Variants in RAI14 observed in about 807,000 individuals in gnomAD.
The protein encoded by RAI14 is retinoic acid induced 14.
In RAI14, 45 loss-of-function variants were observed where a neutral mutation model predicts 115.4. The ratio of observed to expected loss-of-function variants is 0.39; its 90% CI spans 0.31 to 0.50. The LOEUF is 0.50. Among genes scored for constraint, RAI14 ranks in the 20% least tolerant of loss-of-function variants. RAI14 has a pLI of 0.85. For missense variants in RAI14, 939 were observed against 1,131.2 expected (o/e 0.83, Z 2.44); for synonymous variants, 371 against 415.4 (o/e 0.89, Z 1.30).
chr5:34,666,878 T>C (rs1426477678), intron 1 of RAI14, among the ~76,000 whole-genome samples: 22 of 152,202 alleles, frequency 1.4e-4, no homozygotes, highest in Admixed American at 1.4e-3. Context: ...TATTAGAAGA[T>C]CTCTGGATGA....
chr5:34,687,550 A>G, intron 2 of RAI14: 1 of 1,424,874 alleles, frequency 7.0e-7, no homozygotes. Context: ...AGTCTCCCCC[A>G]GGAGAAGAGG....
chr5:34,819,802 T>G (rs189093160), intron 13 of RAI14, among the ~76,000 whole-genome samples: 3 of 152,162 alleles, frequency 2.0e-5, no homozygotes, highest in Non-Finnish European at 4.4e-5. Flanking sequence ...GGGGTCTTAC[T>G]GTATTGCCCA....
At chr5:34,719,943 A>C (rs1742459100) in intron 2 of RAI14, among the ~76,000 whole-genome samples, 1 of 152,140 alleles carries the variant, frequency 6.6e-6, no homozygotes, top group Non-Finnish European at 1.5e-5. Flanking sequence ...CCTGTACCCC[A>C]CTTTGTCTCC....
chr5:34,721,627 G>A (rs2149996786), intron 2 of RAI14, among the ~76,000 whole-genome samples: 1 of 152,180 alleles, frequency 6.6e-6, no homozygotes, highest in Admixed American at 6.5e-5. Context: ...TGCCTTTATG[G>A]CTTGGACTTA....
At chr5:34,818,479 C>A (rs554102436) in intron 12 of RAI14, among the ~76,000 whole-genome samples, 1 of 152,268 alleles carries the variant, frequency 6.6e-6, no homozygotes, top group South Asian at 2.1e-4. Flanking sequence ...ACATAACTCA[C>A]TAAATTAGCA....
intron 3 of RAI14, among the ~76,000 whole-genome samples, chr5:34,794,674 G>A (rs1327304494): frequency 6.6e-6 from 1 of 152,132 alleles, no homozygotes; most frequent in Non-Finnish European, 1.5e-5. Context: ...GGAAATTTAG[G>A]CACAGAGAGG....
At chr5:34,711,075 A>G (rs1449539532) in intron 2 of RAI14, among the ~76,000 whole-genome samples, 1 of 152,182 alleles carries the variant, frequency 6.6e-6, no homozygotes, top group African/African-American at 2.4e-5. Context: ...CTAATGCCCA[A>G]GGTGACTGGT....
At chr5:34,687,323 C>T (rs941829293) in intron 2 of RAI14, among the ~76,000 whole-genome samples, 6 of 151,998 alleles carry the variant, frequency 3.9e-5, no homozygotes, top group African/African-American at 1.2e-4. Context: ...CTCTCTCATG[C>T]GGGTGGTTTA....
intron 1 of RAI14, among the ~76,000 whole-genome samples, chr5:34,673,376 C>T (rs1387123196): frequency 6.6e-6 from 1 of 152,166 alleles, no homozygotes; most frequent in African/African-American, 2.4e-5. Context: ...GATAAACATG[C>T]CCTCCTTAAC....
In RAI14 at chr5:34,823,851, A is replaced by T. The variant is rs754379947; in HGVS notation, c.2009A>T (p.Asp670Val). The T allele has an allele frequency of 1.9e-6, 3 of 1,614,080 alleles. No individual in the cohort carries two copies. Among genetic ancestry groups the T allele is most frequent in the Non-Finnish European group, 2.5e-6 (3 of 1,180,038 alleles). Residue 670 changes from aspartate (D) to valine (V), a missense_variant, in exon 15 of 18, where the codon GAT becomes GTT. Transcript: ENST00000265109. This position sits in a 1 kb window ranked among gnomAD's most constrained non-coding sequence, Gnocchi z 4.5. ...TACAGGAAGAGGAAATCTCTAGAGG[A>T]TGTCACAGCTGAATATATCCATAAA... ...EDYRKRKSLE[D>V]VTAEYIHKAE...
chr5:34,722,934 T>TA (rs200328787), intron 2 of RAI14, among the ~76,000 whole-genome samples: 1,841 of 150,868 alleles, frequency 0.012, 24 homozygotes, highest in African/African-American at 0.031. Context: ...ATAAATAAAT[T>TA]AAAAAAAATA....
chr5:34,666,715 G>C (rs890032611), intron 1 of RAI14, among the ~76,000 whole-genome samples: 15 of 152,198 alleles, frequency 9.9e-5, no homozygotes, highest in African/African-American at 3.6e-4. Context: ...TGCCTGACCT[G>C]ACAGAAGCTC....
chr5:34,830,788 T>A lies in RAI14; in HGVS notation c.*23T>A, dbSNP rs533244586. 3 of 1,613,674 alleles carry A rather than the reference T, an allele frequency of 1.9e-6. No individual in the cohort carries two copies. Among genetic ancestry groups the A allele is most frequent in the Non-Finnish European group, 2.5e-6 (3 of 1,179,708 alleles). On this transcript the variant is annotated 3_prime_UTR_variant, in exon 18 of 18. Transcript: ENST00000265109. ...TAAAGTGGATTCCTTGGCAGGACAC[T>A]GCCCCTTGTCATCTGTCTTTGTGTT... is the stretch of plus-strand genomic sequence containing the variant.
At chr5:34,797,303 G>T (rs1753652831) in intron 4 of RAI14, among the ~76,000 whole-genome samples, 1 of 152,052 alleles carries the variant, frequency 6.6e-6, no homozygotes, top group African/African-American at 2.4e-5. Flanking sequence ...TAGTCATCTT[G>T]AGGGATCAGC....
intron 2 of RAI14, among the ~76,000 whole-genome samples, chr5:34,689,266 A>G (rs944118235): frequency 6.6e-6 from 1 of 152,164 alleles, no homozygotes; most frequent in African/African-American, 2.4e-5. Flanking sequence ...TTAGCCGCCT[A>G]TGGTGGGGCA....
At chr5:34,830,589 C>T in intron 17 of RAI14, 99 bp from the exon 18 acceptor site, 1 of 1,565,888 alleles carries the variant, frequency 6.4e-7, no homozygotes, top group Non-Finnish European at 8.7e-7. Flanking sequence ...TGGGAATTAG[C>T]CCAGGTCTTC....
intron 12 of RAI14, among the ~76,000 whole-genome samples, chr5:34,817,074 G>A (rs569217705): frequency 4.9e-4 from 75 of 151,936 alleles, no homozygotes; most frequent in African/African-American, 1.8e-3. Flanking sequence ...TCAGGAGATC[G>A]AGACCGTCCT....
intron 3 of RAI14, among the ~76,000 whole-genome samples, chr5:34,787,528 C>A (rs998664406): frequency 1.3e-5 from 2 of 152,118 alleles, no homozygotes; most frequent in Non-Finnish European, 1.5e-5. Context: ...AAGGAAATGT[C>A]CAGAATAGGC....
At chr5:34,778,717 C>T (rs931988456) in intron 3 of RAI14, among the ~76,000 whole-genome samples, 6 of 147,728 alleles carry the variant, frequency 4.1e-5, no homozygotes, top group Middle Eastern at 3.3e-3. Flanking sequence ...GGCTGGGCAA[C>T]ACAGTGAGAC....
Sources: gnomAD v4.1 joint callset for allele counts (sites outside exome capture counted in the v4.1 genomes callset) on GRCh38, gnomAD v4.1.1 for gene constraint, Gnocchi (gnomAD v3.1) non-coding constraint, MANE v1.5 for transcripts, NCBI Gene and HGNC (gene_info 2026-07-23, HGNC 2026-07-21) for gene names.